Variants in TCF4 observed in about 807,000 individuals in gnomAD.
The protein encoded by TCF4 is transcription factor 4, also known as SL3-3 enhancer factor 2.
A neutral mutation model predicts 82.1 loss-of-function variants in TCF4; 3 were observed. The ratio of observed to expected loss-of-function variants is 0.04; its 90% CI spans 0.02 to 0.09. The LOEUF (loss-of-function observed/expected upper bound fraction) is 0.09, where lower values mean the gene tolerates loss of function less well. Among genes scored for constraint, TCF4 ranks in the 10% least tolerant of loss-of-function variants. The pLI is 1.00. For missense variants in TCF4, 518 were observed against 852.7 expected, an observed-to-expected ratio of 0.61 and a Z score of 4.89; for synonymous variants, 276 against 309.6, an observed-to-expected ratio of 0.89 and a Z score of 1.14.
At chr18:55,402,504 A>AC (rs1295675470) in intron 6 of TCF4, among the ~76,000 whole-genome samples, 1 of 152,188 alleles carries the variant, frequency 6.6e-6, no homozygotes, top group East Asian at 1.9e-4. Flanking sequence ...TGAAAAAAAA[A>AC]AAGTACATTT....
At chr18:55,628,864 A>G (rs2097729042) in intron 2 of TCF4, among the ~76,000 whole-genome samples, 1 of 152,246 alleles carries the variant, frequency 6.6e-6, no homozygotes, top group African/African-American at 2.4e-5. Flanking sequence ...TAGTTCTATG[A>G]AAAGAGTGCA....
At chr18:55,621,788 T>A (rs1398725588) in intron 2 of TCF4, among the ~76,000 whole-genome samples, 1 of 89,992 alleles carries the variant, frequency 1.1e-5, no homozygotes, top group Non-Finnish European at 1.9e-5. Context: ...ATAATATATA[T>A]TATATATTAT....
intron 3 of TCF4, among the ~76,000 whole-genome samples, chr18:55,467,820 G>T (rs1479293298): frequency 6.6e-6 from 1 of 152,150 alleles, no homozygotes; most frequent in African/African-American, 2.4e-5. Context: ...ACCTCTCAAA[G>T]AAAGAGTAAC....
chr18:55,465,414 TCTC>T (rs1365517174), intron 3 of TCF4, among the ~76,000 whole-genome samples: 13 of 151,950 alleles, frequency 8.6e-5, no homozygotes, highest in African/African-American at 1.2e-4. Flanking sequence ...TAAATTAACT[TCTC>T]TTTTTTTTTT....
chr18:55,516,897 A>C lies in TCF4; in HGVS notation c.146-52760T>G, dbSNP rs760024805. On this transcript the variant is annotated intron_variant, in intron 3 of 19. Coordinates refer to ENST00000354452, the MANE Select transcript of TCF4 (RefSeq NM_001083962.2). ...ACTAAATAAGGTGTAAGGTCAATGA[A>C]GTGTTCTGAGAAGAGGAGGAATAAC... Among the ~76,000 whole-genome samples, 11 of 152,316 alleles carry C rather than the reference A, an allele frequency of 7.2e-5. No homozygotes were observed. The South Asian group carries it at 2.1e-3, about 29-fold the overall frequency.
upstream of TCF4, among the ~76,000 whole-genome samples, chr18:55,589,114 A>AC (rs2097677949): frequency 6.6e-6 from 1 of 152,220 alleles, no homozygotes; most frequent in Admixed American, 6.5e-5. Context: ...AAAAACACAC[A>AC]TTCTACAAAT....
At chr18:55,292,696 A>ATGTG (rs35399017) in intron 8 of TCF4, among the ~76,000 whole-genome samples, 60,547 of 151,062 alleles carry the variant, frequency 0.4, 12,215 homozygotes, top group East Asian at 0.57. Context: ...ATAGACATGA[A>ATGTG]TGTGTGTGTG....
At chr18:55,587,723 G>T (rs1603624869) in intron 1 of TCF4, among the ~76,000 whole-genome samples, 1 of 151,868 alleles carries the variant, frequency 6.6e-6, no homozygotes, top group Non-Finnish European at 1.5e-5. Flanking sequence ...ACAGGGTTGG[G>T]GGGAGCGGAG....
intron 3 of TCF4, among the ~76,000 whole-genome samples, chr18:55,546,053 T>A (rs192897008): frequency 6.6e-6 from 1 of 152,108 alleles, no homozygotes; most frequent in Non-Finnish European, 1.5e-5. Context: ...GAGACGTAAG[T>A]GCAGGGTCCA....
At chr18:55,475,812 C>T (rs2096277236) in intron 3 of TCF4, among the ~76,000 whole-genome samples, 1 of 152,154 alleles carries the variant, frequency 6.6e-6, no homozygotes, top group Non-Finnish European at 1.5e-5. Context: ...CATCTAGTGA[C>T]ATTTCAATGG....
At chr18:55,425,832 T>G (rs1215933866) in intron 5 of TCF4, among the ~76,000 whole-genome samples, 1 of 152,180 alleles carries the variant, frequency 6.6e-6, no homozygotes, top group Admixed American at 6.5e-5. Flanking sequence ...CAGGTAAATC[T>G]TAAACCTGAG....
At chr18:55,241,695 C>A (rs1418334596) in intron 15 of TCF4, among the ~76,000 whole-genome samples, 1 of 152,170 alleles carries the variant, frequency 6.6e-6, no homozygotes, top group Non-Finnish European at 1.5e-5. Context: ...AAATGCTTTT[C>A]TTGTTATTCA....
chr18:55,368,785 A>C (rs1408338278), intron 6 of TCF4, among the ~76,000 whole-genome samples: 1 of 152,248 alleles, frequency 6.6e-6, no homozygotes, highest in Non-Finnish European at 1.5e-5. Flanking sequence ...AAGACTTCAA[A>C]GTCATGATAA....
chr18:55,462,461 GC>G (rs1770446783), intron 4 of TCF4, among the ~76,000 whole-genome samples: 2 of 152,080 alleles, frequency 1.3e-5, no homozygotes, highest in Admixed American at 1.3e-4. Flanking sequence ...GTATAAATCT[GC>G]CACAAATGAT....
At chr18:55,422,151 C>T in intron 5 of TCF4, 3 of 863,510 alleles carry the variant, frequency 3.5e-6, no homozygotes, top group Non-Finnish European at 4.1e-6. Flanking sequence ...AAAAAAAACC[C>T]ACCCTGAATA....
At chr18:55,558,904 G>T (rs1364803606) in intron 3 of TCF4, among the ~76,000 whole-genome samples, 1 of 151,988 alleles carries the variant, frequency 6.6e-6, no homozygotes, top group Non-Finnish European at 1.5e-5. Context: ...ACTCTTAATG[G>T]CAGGCAGGAA....
intron 6 of TCF4, among the ~76,000 whole-genome samples, chr18:55,352,425 A>G (rs2082505715): frequency 6.6e-6 from 1 of 152,192 alleles, no homozygotes. Context: ...AGGACTAATC[A>G]GCTACTGACA....
chr18:55,525,177 G>GT (rs1479520644), intron 3 of TCF4, among the ~76,000 whole-genome samples: 3 of 149,900 alleles, frequency 2.0e-5, no homozygotes, highest in Non-Finnish European at 4.4e-5. Context: ...TGTCTCCTGT[G>GT]TTTTTTTCAC....
Position 55,269,853 on chromosome 18 carries a change from G to T in TCF4, c.900C>A (p.Ala300=), listed in dbSNP as rs1405612686. The change falls in exon 11 of 20, where the codon GCC becomes GCA. Residue 300 remains alanine (A), a synonymous_variant. Transcript: ENST00000354452. ...CACCCATTATACTGTCTGTCCCGTTGGCAGGAGGCGTACAGGAAGAGGTGC... is the reference window on the plus strand; with the variant it reads ...CACCCATTATACTGTCTGTCCCGTTTGCAGGAGGCGTACAGGAAGAGGTGC... ...HYSTSSCTPP[A]NGTDSIMANR... 1 of 1,613,156 alleles carries T rather than the reference G, an allele frequency of 6.2e-7. No homozygotes were observed.
Sources: allele counts gnomAD v4.1 joint callset (sites outside exome capture counted in the v4.1 genomes callset), GRCh38; gene constraint gnomAD v4.1.1; transcripts MANE v1.5; gene names NCBI Gene and HGNC (gene_info 2026-07-23, HGNC 2026-07-21).